C17orf75: variants seen among roughly 807,000 people sequenced by gnomAD.
C17orf75 encodes protein Njmu-R1.
In C17orf75, 32 loss-of-function variants were observed where a neutral mutation model predicts 49.6. That is an observed-to-expected ratio of 0.65 (90% confidence interval 0.49 to 0.87). The LOEUF (loss-of-function observed/expected upper bound fraction) is 0.87, where lower values mean the gene tolerates loss of function less well. Ranked by LOEUF, C17orf75 falls within the 40% of genes least tolerant of loss-of-function variation. The probability of loss-of-function intolerance (pLI) is 0.00; values close to 1 mark genes in which losing one functional copy is unlikely to be tolerated. For synonymous variants in C17orf75, 158 were observed against 159.5 expected, an observed-to-expected ratio of 0.99 and a Z score of 0.07; for missense variants, 428 against 473.9, an observed-to-expected ratio of 0.90 and a Z score of 0.90.
At chr17:32,348,364 C>T (rs918202897) in intron 1 of C17orf75, among the ~76,000 whole-genome samples, 1 of 152,098 alleles carries the variant, frequency 6.6e-6, no homozygotes, top group Admixed American at 6.6e-5. Flanking sequence ...CAGCTCCACA[C>T]ATACTTTGTG....
intron 8 of C17orf75, 32 bp from the exon 9 acceptor site, chr17:32,333,552 T>G (rs1010819129): frequency 6.5e-7 from 1 of 1,527,396 alleles, no homozygotes; most frequent in Admixed American, 2.0e-5. Context: ...CTAAATAAAA[T>G]GAAATTTTAC....
At chr17:32,339,629 G>C (rs1176055658) in intron 3 of C17orf75, among the ~76,000 whole-genome samples, 184 bp downstream of exon 3, 2 of 152,126 alleles carry the variant, frequency 1.3e-5, no homozygotes, top group Non-Finnish European at 2.9e-5. Context: ...TTGGGTGCCA[G>C]GGTCTCTGCC....
upstream of C17orf75, among the ~76,000 whole-genome samples, chr17:32,342,589 C>T (rs1250783365): frequency 6.6e-6 from 1 of 152,218 alleles, no homozygotes; most frequent in Non-Finnish European, 1.5e-5. Flanking sequence ...TCTTTCCAAA[C>T]ATAACAAAAC....
At chr17:32,344,719 C>T (rs1307834851), upstream of C17orf75, among the ~76,000 whole-genome samples, 4 of 151,830 alleles carry the variant, frequency 2.6e-5, no homozygotes, top group Non-Finnish European at 5.9e-5. Flanking sequence ...CCAGCCTGGC[C>T]AATATGGTGA....
rs1487863953 is a variant in C17orf75, at chr17:32,330,402, T to C, written c.*1361A>G. On this transcript the variant is annotated 3_prime_UTR_variant, in exon 10 of 10. Coordinates refer to ENST00000577809, the MANE Select transcript of C17orf75 (RefSeq NM_022344.4). ...CCATTTAAGAGAGGATTCCTCAGTT[T>C]TATGGGTTTGTGCTCCTCTGAGCAT... 2 of 152,198 alleles carry C rather than the reference T, an allele frequency of 1.3e-5. No individual in the cohort carries two copies. Among genetic ancestry groups the C allele is most frequent in the African/African-American group, 4.8e-5 (2 of 41,442 alleles). The allele number at this position is 152,198 out of a possible 1,614,324, so 9.4% of individuals were successfully genotyped here.
chr17:32,342,039 G>C lies in C17orf75; in HGVS notation c.101C>G (p.Ser34Cys). The C allele has an allele frequency of 5.8e-6, 9 of 1,550,926 alleles. No homozygotes were observed. The highest frequency in any genetic ancestry group is 7.8e-6 in the Non-Finnish European group (9 of 1,149,242). ...GCTGTAAAGACAGTAGTGGCTGCTG[G>C]ACGGCGGCTCGAGTCTCCGCTCCTC... is the stretch of plus-strand genomic sequence containing the variant. ...SAEERRLEPP[S>C]SSHYCLYSYR... is the part of the protein sequence containing the mutation. The change falls in exon 1 of 10, where the codon TCC (serine) becomes TGC (cysteine). Residue 34 changes from serine to cysteine, a missense_variant. Transcript: ENST00000577809.
intron 4 of C17orf75, 91 bp downstream of exon 4, chr17:32,338,117 G>C: frequency 6.4e-7 from 1 of 1,563,656 alleles, no homozygotes; most frequent in Non-Finnish European, 8.7e-7. Context: ...ACGAGGAGTA[G>C]AAAAGCTTTT....
At chr17:32,345,100 A>G (rs116737971), upstream of C17orf75, among the ~76,000 whole-genome samples, 699 of 152,282 alleles carry the variant, frequency 4.6e-3, 5 homozygotes, top group African/African-American at 0.015. Flanking sequence ...TATATATAAA[A>G]TAATTTTTAA....
upstream of C17orf75, among the ~76,000 whole-genome samples, chr17:32,342,622 C>T (rs1032587991): frequency 6.6e-6 from 1 of 152,180 alleles, no homozygotes; most frequent in African/African-American, 2.4e-5. Flanking sequence ...TACAGGAAAA[C>T]GTTTAAAAAA....
rs781020787 is a variant in C17orf75 at position 32,333,444 on chromosome 17, T to G, written c.948A>C (p.Arg316=). 3.7e-6 allele frequency: 6 copies of G among 1,612,978 alleles called. No homozygotes were observed. Among genetic ancestry groups the G allele is most frequent in the Non-Finnish European group, 5.1e-6 (6 of 1,179,602 alleles). The part of the protein sequence containing the change: ...GAKGGNPFLF[R]QVLENFKLKA... ...TTAGTTTAAAGTTCTCCAGTACTTGTCGGAAAAGAAAAGGGTTACCTCCTT... is the reference window on the plus strand; with the variant it reads ...TTAGTTTAAAGTTCTCCAGTACTTGGCGGAAAAGAAAAGGGTTACCTCCTT... Residue 316 remains arginine, a synonymous_variant, in exon 9 of 10, where the codon CGA becomes CGC. Transcript: ENST00000577809.
At chr17:32,332,022 T>C (rs370678601) in intron 9 of C17orf75, 44 bp from the exon 10 acceptor site, 118 of 1,498,810 alleles carry the variant, frequency 7.9e-5, no homozygotes, top group East Asian at 4.5e-4. Context: ...AGTGAAATAA[T>C]AATGAAGCTC....
chr17:32,341,696 T>A, intron 1 of C17orf75: 1 of 606,242 alleles, frequency 1.6e-6, no homozygotes, highest in Non-Finnish European at 2.2e-6. Context: ...CTGAAATTAT[T>A]GAGCATGCGG....
upstream of C17orf75, among the ~76,000 whole-genome samples, chr17:32,347,139 T>G (rs1216372150): frequency 1.3e-5 from 2 of 152,080 alleles, no homozygotes; most frequent in Admixed American, 1.3e-4. Flanking sequence ...TTTTGTATTT[T>G]CAGTAGAGAC....
chr17:32,339,565 C>T (rs1255652246), intron 3 of C17orf75, among the ~76,000 whole-genome samples: 1 of 151,856 alleles, frequency 6.6e-6, no homozygotes, highest in Non-Finnish European at 1.5e-5. Context: ...CCAGCCTGGG[C>T]AACAAAGCAA....
chr17:32,334,010 T>C (rs1488140952), intron 8 of C17orf75, among the ~76,000 whole-genome samples: 1 of 152,240 alleles, frequency 6.6e-6, no homozygotes, highest in Admixed American at 6.5e-5. Flanking sequence ...ATTCTGCATA[T>C]GTTAAAACTT....
Position 32,331,733 on chromosome 17 carries a change from T to C in C17orf75, c.*30A>G. On this transcript the variant is annotated 3_prime_UTR_variant, in exon 10 of 10. Transcript: ENST00000577809. ...AAACACTAAGACTTAAATATACAAC[T>C]TGATCATACAATTATCTCAAAACAT... The C allele has an allele frequency of 6.5e-7, 1 of 1,539,710 alleles. No individual in the cohort carries two copies. The highest frequency in any genetic ancestry group is 9.0e-7 in the Non-Finnish European group (1 of 1,113,056).
At chr17:32,348,865 G>GGCTTTTTTTTTTTT (rs1567807377) in intron 1 of C17orf75, among the ~76,000 whole-genome samples, 2 of 49,508 alleles carry the variant, frequency 4.0e-5, no homozygotes, top group African/African-American at 2.0e-4. Flanking sequence ...GACAGCTCCA[G>GGCTTTTTTTTTTTT]TCTTTTTTTT....
At chr17:32,341,400 G>T in intron 1 of C17orf75, 116 bp from the exon 2 acceptor site, 1 of 964,436 alleles carries the variant, frequency 1.0e-6, no homozygotes, top group Non-Finnish European at 1.7e-6. Flanking sequence ...CAAGGTGGAA[G>T]TGCACTGCCT....
At chr17:32,344,697 A>G (rs184956997), upstream of C17orf75, among the ~76,000 whole-genome samples, 1 of 152,164 alleles carries the variant, frequency 6.6e-6, no homozygotes, top group East Asian at 1.9e-4. Context: ...TCACTAGGTC[A>G]GGAGTTTGAA....
Sources: allele counts gnomAD v4.1 joint callset (sites outside exome capture counted in the v4.1 genomes callset), GRCh38; gene constraint gnomAD v4.1.1; transcripts MANE v1.5; gene names NCBI Gene and HGNC (gene_info 2026-07-23, HGNC 2026-07-21).